KSR2: variants seen among roughly 807,000 people sequenced by gnomAD.
KSR2 encodes kinase suppressor of ras 2.
A neutral mutation model predicts 107.8 loss-of-function variants in KSR2; 25 were observed. The observed-to-expected ratio is 0.23, with a 90% confidence interval of 0.17 to 0.32. The LOEUF is 0.32. KSR2 is among the 10% of genes least tolerant of loss of function. The pLI is 1.00. For synonymous variants in KSR2, 480 were observed against 507.0 expected, an observed-to-expected ratio of 0.95 and a Z score of 0.71; for missense variants, 887 against 1,268.9, an observed-to-expected ratio of 0.70 and a Z score of 4.57.
At chr12:117,747,539 A>T (rs1346664482) in intron 4 of KSR2, among the ~76,000 whole-genome samples, 1 of 152,170 alleles carries the variant, frequency 6.6e-6, no homozygotes, top group Non-Finnish European at 1.5e-5. Context: ...ACCATGGCAC[A>T]TGTATACCTG....
At chr12:117,558,477 C>T (rs1159142634) in intron 8 of KSR2, 29 bp downstream of exon 8, 1 of 1,606,386 alleles carries the variant, frequency 6.2e-7, no homozygotes, top group Non-Finnish European at 8.5e-7. Flanking sequence ...TCACCCCTGC[C>T]CCTAGGGCAG....
At chr12:117,899,160 G>A (rs1329946392) in intron 1 of KSR2, among the ~76,000 whole-genome samples, 1 of 152,080 alleles carries the variant, frequency 6.6e-6, no homozygotes, top group Non-Finnish European at 1.5e-5. Flanking sequence ...CCCCACTTTG[G>A]GATACAACCG....
At chr12:117,849,840 C>T (rs1309249064) in intron 3 of KSR2, among the ~76,000 whole-genome samples, 1 of 152,252 alleles carries the variant, frequency 6.6e-6, no homozygotes, top group African/African-American at 2.4e-5. Flanking sequence ...CTCAATACAA[C>T]TTGTCTTCTG....
At chr12:117,670,163 G>A (rs1489090891) in intron 4 of KSR2, among the ~76,000 whole-genome samples, 3 of 151,990 alleles carry the variant, frequency 2.0e-5, no homozygotes, top group South Asian at 2.1e-4. Context: ...AAAACAGCTC[G>A]GAAATTATAA....
chr12:117,848,406 A>G (rs1892775882), intron 3 of KSR2, among the ~76,000 whole-genome samples: 1 of 152,224 alleles, frequency 6.6e-6, no homozygotes, highest in South Asian at 2.1e-4. Flanking sequence ...CCTGCAGCCA[A>G]ATCAGTTTCA....
chr12:117,834,195 C>T (rs1225443163), intron 3 of KSR2, among the ~76,000 whole-genome samples: 5 of 151,470 alleles, frequency 3.3e-5, no homozygotes, highest in African/African-American at 1.2e-4. Flanking sequence ...CCGAAGGACT[C>T]GGCTGAATAA....
Position 117,860,037 on chromosome 12 carries a change from G to T in KSR2, c.321+254C>A, listed in dbSNP as rs1340904932. Reference sequence around the variant, plus strand: ...ACAGCGCTGGACTAAGAAGTGAAGTGATTTGGCCAAGGTGACTCTGTGAAT... The same window carrying T: ...ACAGCGCTGGACTAAGAAGTGAAGTTATTTGGCCAAGGTGACTCTGTGAAT... On this transcript the variant is annotated intron_variant, in intron 2 of 19. Coordinates refer to ENST00000339824, the MANE Select transcript of KSR2 (RefSeq NM_173598.6). Among the ~76,000 whole-genome samples, 3 of 152,224 alleles carry T rather than the reference G, an allele frequency of 2.0e-5. No homozygotes were observed. The East Asian group carries it at 5.8e-4, about 29-fold the overall frequency.
chr12:117,920,920 G>A (rs1176155340), intron 1 of KSR2, among the ~76,000 whole-genome samples: 4 of 152,134 alleles, frequency 2.6e-5, no homozygotes, highest in Admixed American at 1.3e-4. Context: ...ATGTGGACTC[G>A]CTGTAGGTAG....
At chr12:117,478,955 ATGTT>A (rs1405171112) in intron 16 of KSR2, among the ~76,000 whole-genome samples, 4 of 152,288 alleles carry the variant, frequency 2.6e-5, no homozygotes, top group African/African-American at 9.6e-5. Context: ...AAGATAGAAA[ATGTT>A]TGTTCATGTC....
At chr12:117,511,747 T>G (rs906056536) in intron 14 of KSR2, among the ~76,000 whole-genome samples, 7 of 152,198 alleles carry the variant, frequency 4.6e-5, no homozygotes, top group African/African-American at 1.7e-4. Flanking sequence ...TTCGCCCAAG[T>G]GACCAACTTC....
chr12:117,683,975 G>A (rs1326017836), intron 4 of KSR2, among the ~76,000 whole-genome samples: 3 of 152,228 alleles, frequency 2.0e-5, no homozygotes, highest in Non-Finnish European at 4.4e-5. Context: ...ATAGGCAATT[G>A]GCTGAACTTG....
At chr12:117,908,524 T>G (rs1894921674) in intron 1 of KSR2, among the ~76,000 whole-genome samples, 1 of 152,214 alleles carries the variant, frequency 6.6e-6, no homozygotes, top group South Asian at 2.1e-4. Context: ...TACATATCTC[T>G]GTGACACAAA....
intron 3 of KSR2, among the ~76,000 whole-genome samples, chr12:117,797,174 T>C (rs4766877): frequency 0.58 from 88,892 of 152,056 alleles, 27,727 homozygotes; most frequent in African/African-American, 0.8. Flanking sequence ...CAAACAAATC[T>C]TGGTATGCAA....
At chr12:117,794,491 C>CCAACATGCACACA (rs1316747238) in intron 3 of KSR2, among the ~76,000 whole-genome samples, 2 of 119,116 alleles carry the variant, frequency 1.7e-5, no homozygotes, top group Non-Finnish European at 3.5e-5. Context: ...CACACTCACA[C>CCAACATGCACACA]CAACATGCAC....
chr12:117,789,045 C>T (rs941718342), intron 3 of KSR2, among the ~76,000 whole-genome samples: 1 of 152,198 alleles, frequency 6.6e-6, no homozygotes, highest in Non-Finnish European at 1.5e-5. Context: ...GCAACAAGTT[C>T]TCAGGGGTTG....
At chr12:117,742,177 A>G (rs1888241596) in intron 4 of KSR2, among the ~76,000 whole-genome samples, 2 of 152,244 alleles carry the variant, frequency 1.3e-5, no homozygotes, top group Admixed American at 1.3e-4. Context: ...AAGATAGCCT[A>G]CAGGAGAAAG....
chr12:117,865,809 C>T (rs1893447178), intron 1 of KSR2, among the ~76,000 whole-genome samples: 1 of 152,174 alleles, frequency 6.6e-6, no homozygotes, highest in African/African-American at 2.4e-5. Flanking sequence ...CTTATGCAAA[C>T]ATCTGCTGGA....
intron 1 of KSR2, among the ~76,000 whole-genome samples, chr12:117,939,872 T>C (rs1229154758): frequency 2.0e-5 from 3 of 146,416 alleles, no homozygotes; most frequent in Admixed American, 6.9e-5. Flanking sequence ...ACCCAGGAGA[T>C]GGAGGTTGCA....
At chr12:117,943,526 A>T (rs955686100) in intron 1 of KSR2, among the ~76,000 whole-genome samples, 5 of 150,574 alleles carry the variant, frequency 3.3e-5, no homozygotes, top group Non-Finnish European at 5.9e-5. Context: ...AAAAAAAAAA[A>T]ACCTCATAGC....
Sources: allele counts gnomAD v4.1 joint callset (sites outside exome capture counted in the v4.1 genomes callset), GRCh38; gene constraint gnomAD v4.1.1; transcripts MANE v1.5; gene names NCBI Gene and HGNC (gene_info 2026-07-23, HGNC 2026-07-21).